STYX: variants seen among roughly 807,000 people sequenced by gnomAD.
STYX encodes the protein serine/threonine/tyrosine-interacting protein.
STYX carries 20 observed loss-of-function variants against 42.7 expected under a neutral mutation model. That is an observed-to-expected ratio of 0.47 (90% confidence interval 0.33 to 0.68). STYX has a LOEUF of 0.68. Ranked by LOEUF, STYX falls within the 30% of genes least tolerant of loss-of-function variation. The pLI, the probability that STYX is intolerant of heterozygous loss-of-function variation, is 0.02. For missense variants in STYX, 226 were observed against 268.5 expected (o/e 0.84, Z 1.11); for synonymous variants, 78 against 81.9 (o/e 0.95, Z 0.26).
At chr14:52,767,576 G>A (rs753287508) in intron 9 of STYX, among the ~76,000 whole-genome samples, 1 of 152,000 alleles carries the variant, frequency 6.6e-6, no homozygotes, top group South Asian at 2.1e-4. Flanking sequence ...GGAGGTATTC[G>A]TCTTAGATCA....
At position 52,733,816 on chromosome 14, in the gene STYX, A is replaced by G. The variant is rs146628964; in HGVS notation, c.57+3285A>G. Among the ~76,000 whole-genome samples the G allele has an allele frequency of 3.0e-3, 459 of 152,344 alleles. 4 individuals are homozygous for G. Among genetic ancestry groups the G allele is most frequent in the African/African-American group, 0.01 (426 of 41,586 alleles). ...ATTGGACAAAACTCCAAGCAAAGAAAGAATGAAGCAACAAAAGAACAAAAG... is the reference window on the plus strand; with the variant it reads ...ATTGGACAAAACTCCAAGCAAAGAAGGAATGAAGCAACAAAAGAACAAAAG... On this transcript the variant is annotated intron_variant, in intron 1 of 10. Transcript: ENST00000354586.
At chr14:52,757,628 T>C in intron 6 of STYX, 115 bp from the exon 7 acceptor site, 1 of 961,322 alleles carries the variant, frequency 1.0e-6, no homozygotes, top group South Asian at 1.5e-5. Context: ...TTGTAAAGAT[T>C]TGAAGATATC....
Position 52,750,663 on chromosome 14 carries a change from C to A in STYX, c.145-20C>A, listed in dbSNP as rs1197154583. On this transcript the variant is annotated intron_variant, in intron 3 of 10. Transcript: ENST00000354586. Reference sequence around the variant, plus strand: ...AATATTTATCTTCCCTGTCCTCCCCCTGCTTTTTTTTTTATACAGCTACCT... The same window carrying A: ...AATATTTATCTTCCCTGTCCTCCCCATGCTTTTTTTTTTATACAGCTACCT... 6 of 1,443,950 alleles carry A rather than the reference C, an allele frequency of 4.2e-6. No homozygotes were observed. Among genetic ancestry groups the A allele is most frequent in the African/African-American group, 2.9e-5 (2 of 68,876 alleles). The allele number at this position is 1,443,950 out of a possible 1,614,324, so 89.4% of individuals were successfully genotyped here. A position where few individuals can be genotyped will look rare whatever the true frequency, so the allele number is the denominator to read the frequency against.
At chr14:52,758,207 C>T (rs1881951258) in intron 8 of STYX, among the ~76,000 whole-genome samples, 2 of 152,118 alleles carry the variant, frequency 1.3e-5, no homozygotes, top group African/African-American at 4.8e-5. Flanking sequence ...TTAGTGCTTG[C>T]CTTATTTAAA....
chr14:52,743,924 C>T (rs540995521), intron 1 of STYX, among the ~76,000 whole-genome samples: 15 of 152,204 alleles, frequency 9.9e-5, no homozygotes, highest in African/African-American at 3.1e-4. Context: ...CAGGCTCAAG[C>T]GATCTTCCCA....
At chr14:52,740,380 G>A (rs773806628) in intron 1 of STYX, among the ~76,000 whole-genome samples, 4 of 152,162 alleles carry the variant, frequency 2.6e-5, no homozygotes, top group Non-Finnish European at 5.9e-5. Context: ...CCATAAATTA[G>A]TCATTATTTT....
At chr14:52,757,380 C>G in intron 6 of STYX, 25 bp downstream of exon 6, 1 of 1,570,006 alleles carries the variant, frequency 6.4e-7, no homozygotes, top group Admixed American at 1.7e-5. Flanking sequence ...CTTTCCTTAA[C>G]TAATGTTTAT....
At chr14:52,758,243 A>C (rs1180058628) in intron 8 of STYX, among the ~76,000 whole-genome samples, 2 of 152,232 alleles carry the variant, frequency 1.3e-5, no homozygotes, top group Non-Finnish European at 1.5e-5. Context: ...GTTCTCCTTT[A>C]ACAATAGTTG....
intron 4 of STYX, among the ~76,000 whole-genome samples, chr14:52,751,645 G>A (rs1307885756): frequency 1.3e-5 from 2 of 151,982 alleles, no homozygotes; most frequent in Non-Finnish European, 2.9e-5. Context: ...CTCATTTGAT[G>A]TTCTTATTTA....
At chr14:52,755,970 C>T (rs961214191) in intron 4 of STYX, among the ~76,000 whole-genome samples, 1 of 152,106 alleles carries the variant, frequency 6.6e-6, no homozygotes, top group Non-Finnish European at 1.5e-5. Flanking sequence ...ATGTATCTTC[C>T]TGCTTGTGAT....
intron 1 of STYX, among the ~76,000 whole-genome samples, chr14:52,742,099 G>A (rs185160763): frequency 2.2e-4 from 34 of 152,192 alleles, no homozygotes; most frequent in Non-Finnish European, 4.4e-4. Context: ...TTCTCACTTG[G>A]CCTCACAAAA....
intron 9 of STYX, among the ~76,000 whole-genome samples, chr14:52,765,720 C>T (rs1270888904): frequency 6.6e-6 from 1 of 152,128 alleles, no homozygotes. Flanking sequence ...TATATCAGAT[C>T]ATCAGGCATT....
chr14:52,736,276 C>T (rs1344867110), intron 1 of STYX, among the ~76,000 whole-genome samples: 1 of 152,214 alleles, frequency 6.6e-6, no homozygotes, highest in African/African-American at 2.4e-5. Context: ...CTCCTTTCCT[C>T]ATCCTCTAGA....
chr14:52,762,002 A>G (rs1358391908), intron 9 of STYX, among the ~76,000 whole-genome samples: 1 of 151,798 alleles, frequency 6.6e-6, no homozygotes, highest in Non-Finnish European at 1.5e-5. Flanking sequence ...CCGAGATGGC[A>G]TCATTGCACT....
intron 4 of STYX, among the ~76,000 whole-genome samples, chr14:52,751,906 T>A (rs756731522): frequency 1.6e-4 from 24 of 152,172 alleles, no homozygotes; most frequent in Non-Finnish European, 2.9e-4. Context: ...CTCACGCCTG[T>A]AATCCCAGCA....
intron 1 of STYX, chr14:52,731,641 T>G (rs1880707654): frequency 6.6e-6 from 1 of 152,042 alleles, no homozygotes; most frequent in African/African-American, 2.4e-5. Flanking sequence ...TTCACCATTT[T>G]GGCCAGGGTG....
At position 52,771,757 on chromosome 14, in the gene STYX, T is replaced by G. The variant is rs138263731; in HGVS notation, c.*651T>G. 9.2e-4 allele frequency: 140 copies of G among 152,644 alleles called. No homozygotes were observed. Among genetic ancestry groups the G allele is most frequent in the African/African-American group, 3.2e-3 (132 of 41,578 alleles). 9.5% of individuals were successfully genotyped at this position (152,644 alleles called of 1,614,324 possible). On this transcript the variant is annotated 3_prime_UTR_variant, in exon 11 of 11. Coordinates refer to ENST00000354586, the MANE Select transcript of STYX (RefSeq NM_145251.4). ...CCTTACTTTAACTTGATCTAATTAT[T>G]GCTTCCTTTCTTATTACTTTCCTAA...
chr14:52,761,007 G>C (rs1205096401), intron 9 of STYX, among the ~76,000 whole-genome samples: 2 of 151,898 alleles, frequency 1.3e-5, no homozygotes, highest in Admixed American at 1.3e-4. Context: ...ATTAATTTTT[G>C]TATTTGAAAG....
chr14:52,774,335 G>T lies in STYX; in HGVS notation c.*3229G>T, dbSNP rs1882634948. On this transcript the variant is annotated 3_prime_UTR_variant, in exon 11 of 11. Coordinates refer to ENST00000354586, the MANE Select transcript of STYX (RefSeq NM_145251.4). ...CTGCAATCTTGAATTATAAAGTTGAGATATATATATATATGTATCAAGATC... is the reference window on the plus strand; with the variant it reads ...CTGCAATCTTGAATTATAAAGTTGATATATATATATATATGTATCAAGATC... 6.6e-6 allele frequency: 1 copy of T among 150,380 alleles called. No individual in the cohort carries two copies. The highest frequency in any genetic ancestry group is 2.1e-4 in the South Asian group (1 of 4,784). 9.3% of individuals were successfully genotyped at this position (150,380 alleles called of 1,614,324 possible).
Sources: allele counts gnomAD v4.1 joint callset (sites outside exome capture counted in the v4.1 genomes callset), GRCh38; gene constraint gnomAD v4.1.1; transcripts MANE v1.5; gene names NCBI Gene and HGNC (gene_info 2026-07-23, HGNC 2026-07-21).